WWC2: variants seen among roughly 807,000 people sequenced by gnomAD.
WWC2 encodes protein WWC2.
WWC2 carries 101 observed loss-of-function variants against 138.5 expected under a neutral mutation model. The ratio of observed to expected loss-of-function variants is 0.73; its 90% CI spans 0.62 to 0.86. The LOEUF (loss-of-function observed/expected upper bound fraction) is 0.86, where lower values mean the gene tolerates loss of function less well. Ranked by LOEUF, WWC2 falls within the 40% of genes least tolerant of loss-of-function variation. The pLI, the probability that WWC2 is intolerant of heterozygous loss-of-function variation, is 0.00. For missense variants in WWC2, 1,420 were observed against 1,419.4 expected (o/e 1.00, Z -0.01); for synonymous variants, 558 against 538.4 (o/e 1.04, Z -0.50).
intron 5 of WWC2, 128 bp downstream of exon 5, chr4:183,240,390 T>C (rs193240859): frequency 1.6e-6 from 1 of 628,298 alleles, no homozygotes; most frequent in Non-Finnish European, 2.5e-6. Flanking sequence ...TTCAGAGCTC[T>C]ACACCAAAAG....
At chr4:183,147,506 G>A (rs1733495494) in intron 1 of WWC2, among the ~76,000 whole-genome samples, 1 of 152,188 alleles carries the variant, frequency 6.6e-6, no homozygotes, top group Non-Finnish European at 1.5e-5. Context: ...TGTTGTTATT[G>A]TAGATTTCTG....
rs563539021 is a variant in WWC2 at position 183,231,465 on chromosome 4, T to A, written c.523-8718T>A. Among the ~76,000 whole-genome samples, 5 of 151,670 alleles carry A rather than the reference T, an allele frequency of 3.3e-5. No individual in the cohort carries two copies. The South Asian group carries it at 1.0e-3, about 32-fold the overall frequency. On this transcript the variant is annotated intron_variant, in intron 4 of 22. Transcript: ENST00000403733. The stretch of plus-strand genomic sequence containing the variant: ...TTGTATTTTTAGTAGAGACAGTGTT[T>A]CACCATGTTGGCCAGGCTGATCTTG...
At chr4:183,154,718 C>T (rs1561439275) in intron 1 of WWC2, among the ~76,000 whole-genome samples, 1 of 152,162 alleles carries the variant, frequency 6.6e-6, no homozygotes, top group Non-Finnish European at 1.5e-5. Context: ...ATTTGCTAAC[C>T]TTCACCCTCT....
At chr4:183,105,763 G>A (rs1743332994) in intron 1 of WWC2, among the ~76,000 whole-genome samples, 1 of 152,026 alleles carries the variant, frequency 6.6e-6, no homozygotes, top group Admixed American at 6.6e-5. Context: ...GGTGGCGGGT[G>A]CCTGTAGTCC....
intron 6 of WWC2, among the ~76,000 whole-genome samples, chr4:183,246,755 G>A (rs956769609): frequency 6.6e-6 from 1 of 152,168 alleles, no homozygotes; most frequent in Non-Finnish European, 1.5e-5. Context: ...CTGGGTTAAC[G>A]TGGTTTTAAC....
At chr4:183,237,832 TC>T (rs1279053077) in intron 4 of WWC2, among the ~76,000 whole-genome samples, 2 of 152,186 alleles carry the variant, frequency 1.3e-5, no homozygotes, top group African/African-American at 4.8e-5. Context: ...CTGGTCTCCC[TC>T]TTGACATTTT....
chr4:183,140,522 A>G (rs1365324549), intron 1 of WWC2, among the ~76,000 whole-genome samples: 2 of 152,176 alleles, frequency 1.3e-5, no homozygotes, highest in Admixed American at 1.3e-4. Context: ...GACAAAGCAG[A>G]TTTGCCCTTG....
rs547379933 is a variant in WWC2 at position 183,268,646 on chromosome 4, G to A, written c.2208-325G>A. Among the ~76,000 whole-genome samples the A allele has an allele frequency of 2.1e-3, 318 of 152,238 alleles. 2 individuals carry two copies. Among genetic ancestry groups the A allele is most frequent in the African/African-American group, 7.4e-3 (307 of 41,540 alleles). ...TCAGAAATAACTTATTTTGGAATTG[G>A]CTGTCCATGGGGCAGGTGGGACGTT... On this transcript the variant is annotated intron_variant, in intron 14 of 22. Coordinates refer to ENST00000403733, the MANE Select transcript of WWC2 (RefSeq NM_024949.6).
In WWC2 at chr4:183,208,980, T is replaced by A; in HGVS notation, c.477T>A (p.Tyr159Ter). The change falls in exon 4 of 23, where the codon TAT becomes TAA. Residue 159 changes from tyrosine to a stop codon, truncating the protein, a stop_gained. Transcript: ENST00000403733. LOFTEE classifies it high-confidence loss of function. ...CAGGATCTTCATCCAGTACTAAATA[T>A]GATCCCGATATTTTAAAAGCTGAGA... ...LFSGSSSSTK[Y>*]DPDILKAEIS... 6.4e-7 allele frequency: 1 copy of A among 1,571,040 alleles called. No individual in the cohort carries two copies. The highest frequency in any genetic ancestry group is 1.2e-5 in the South Asian group (1 of 85,446).
intron 10 of WWC2, among the ~76,000 whole-genome samples, chr4:183,259,972 T>A (rs17357260): frequency 0.36 from 55,014 of 152,048 alleles, 10,078 homozygotes; most frequent in South Asian, 0.48. Flanking sequence ...ACATTTAGGA[T>A]AATAACGCAT....
intron 8 of WWC2, among the ~76,000 whole-genome samples, chr4:183,253,506 G>T (rs1313631497): frequency 6.6e-6 from 1 of 152,120 alleles, no homozygotes; most frequent in Non-Finnish European, 1.5e-5. Context: ...AGGTAGCTGG[G>T]TATGCTCACT....
chr4:183,320,523 T>C lies in WWC2; in HGVS notation c.*4794T>C. ...ATAATTAAGTGATAATCTCCTTTCA[T>C]TGTCAAGGTTAAAATGGCTTTCATG... On this transcript the variant is annotated 3_prime_UTR_variant, in exon 23 of 23. Coordinates refer to ENST00000403733, the MANE Select transcript of WWC2 (RefSeq NM_024949.6). 2.8e-6 allele frequency: 1 copy of C among 358,434 alleles called. No homozygotes were observed. Among genetic ancestry groups the C allele is most frequent in the Non-Finnish European group, 5.3e-6 (1 of 190,150 alleles). 22.2% of individuals were successfully genotyped at this position (358,434 alleles called of 1,614,324 possible).
In WWC2 at chr4:183,271,339, A is replaced by C. The variant is rs151282217; in HGVS notation, c.2562+98A>C. ...TGAAATATGGAATGCTACGAGACCA[A>C]CATGCTTTTATCACTTTCACTGTCC... On this transcript the variant is annotated intron_variant, in intron 16 of 22. Transcript: ENST00000403733. 1.3e-4 allele frequency: 128 copies of C among 971,086 alleles called. No individual in the cohort carries two copies. The African/African-American group carries it at 1.9e-3, about 14-fold the overall frequency. 60.2% of individuals were successfully genotyped at this position (971,086 alleles called of 1,614,324 possible).
At position 183,315,761 on chromosome 4, in the gene WWC2, G is replaced by A. The variant is rs1453916831; in HGVS notation, c.*32G>A. ...GACTTAAGAAATTATTTTTTCATCTGTTCACTTTCTTAGGGAGGGTAAAAG... is the reference window on the plus strand; with the variant it reads ...GACTTAAGAAATTATTTTTTCATCTATTCACTTTCTTAGGGAGGGTAAAAG... On this transcript the variant is annotated 3_prime_UTR_variant, in exon 23 of 23. Coordinates refer to ENST00000403733, the MANE Select transcript of WWC2 (RefSeq NM_024949.6). The A allele has an allele frequency of 4.4e-6, 7 of 1,574,320 alleles. No individual in the cohort carries two copies. The highest frequency in any genetic ancestry group is 2.6e-6 in the Non-Finnish European group (3 of 1,149,930).
intron 16 of WWC2, among the ~76,000 whole-genome samples, chr4:183,273,838 A>G (rs1056816792): frequency 6.6e-6 from 1 of 152,192 alleles, no homozygotes; most frequent in Admixed American, 6.5e-5. Context: ...GCCTAAACTA[A>G]TATCACAAAT....
chr4:183,208,284 A>AGAG, intron 3 of WWC2, 128 bp downstream of exon 3: 4 of 997,344 alleles, frequency 4.0e-6, no homozygotes, highest in Non-Finnish European at 5.8e-6. Context: ...AGTCTCTCAA[A>AGAG]ACCATTGAGA....
chr4:183,315,374 A>AC (rs1739400306), intron 22 of WWC2, among the ~76,000 whole-genome samples: 1 of 151,844 alleles, frequency 6.6e-6, no homozygotes, highest in Non-Finnish European at 1.5e-5. Context: ...CCTAGACCAA[A>AC]CCCCTACTAG....
intron 9 of WWC2, among the ~76,000 whole-genome samples, chr4:183,255,869 T>TTTTCC (rs1737118020): frequency 6.7e-6 from 1 of 148,698 alleles, no homozygotes; most frequent in African/African-American, 2.6e-5. Flanking sequence ...AATAGGAGGC[T>TTTTCC]TTTTTTCCTT....
intron 9 of WWC2, among the ~76,000 whole-genome samples, chr4:183,256,524 T>G (rs1737146341): frequency 6.6e-6 from 1 of 152,178 alleles, no homozygotes; most frequent in African/African-American, 2.4e-5. Flanking sequence ...ATTGCTGCTG[T>G]TGCACTGACG....
Sources: allele counts gnomAD v4.1 joint callset (sites outside exome capture counted in the v4.1 genomes callset), GRCh38; gene constraint gnomAD v4.1.1; transcripts MANE v1.5; gene names NCBI Gene and HGNC (gene_info 2026-07-23, HGNC 2026-07-21).